The following AMIGO1 variants were observed in gnomAD, a reference collection of about 807,000 sequenced individuals.
AMIGO1 encodes the protein amphoterin-induced protein 1.
For synonymous variants in AMIGO1, 249 were observed against 266.3 expected (o/e 0.93, Z 0.63); for missense variants, 361 against 612.3 (o/e 0.59, Z 4.33).
At position 109,507,917 on chromosome 1, in the gene AMIGO1, C is replaced by G; in HGVS notation, c.996G>C (p.Gln332His). 2 of 1,614,194 alleles carry G rather than the reference C, an allele frequency of 1.2e-6. No individual in the cohort carries two copies. Among genetic ancestry groups the G allele is most frequent in the Non-Finnish European group, 1.7e-6 (2 of 1,180,036 alleles). Residue 332 changes from glutamine to histidine, a missense_variant, in exon 2 of 2, where the codon CAG (glutamine) becomes CAC (histidine). Transcript: ENST00000369864. The surrounding 1 kb of genome is among the most constrained non-coding windows in gnomAD (Gnocchi z 4.7). ...AGGTATACACACCACCGTCCTCGACCTGCACCTGCTGGAAAAGAAGACTGC... is the reference window on the plus strand; with the variant it reads ...AGGTATACACACCACCGTCCTCGACGTGCACCTGCTGGAAAAGAAGACTGC... ...KDGSLLFQQV[Q>H]VEDGGVYTCY... is the part of the protein sequence containing the mutation.
rs1657975378 is a variant in AMIGO1 at position 109,504,754 on chromosome 1, C to T, written c.*2677G>A. On this transcript the variant is annotated 3_prime_UTR_variant, in exon 2 of 2. Transcript: ENST00000369864. ...TCTACCAGGTGTCTCAAACTCAAGGCCAAACTAGTGGATATAGTCAGGAGA... is the reference window on the plus strand; with the variant it reads ...TCTACCAGGTGTCTCAAACTCAAGGTCAAACTAGTGGATATAGTCAGGAGA... The T allele has an allele frequency of 6.6e-6, 1 of 152,188 alleles. No individual in the cohort carries two copies. The highest frequency in any genetic ancestry group is 2.4e-5 in the African/African-American group (1 of 41,446). The allele number at this position is 152,188 out of a possible 1,614,324, so 9.4% of individuals were successfully genotyped here.
rs1436743657 is a variant in AMIGO1 at position 109,505,292 on chromosome 1, G to A, written c.*2139C>T. On this transcript the variant is annotated 3_prime_UTR_variant, in exon 2 of 2. Coordinates refer to ENST00000369864, the MANE Select transcript of AMIGO1 (RefSeq NM_020703.4). ...GGTTCTTCTAACTCCAGCCTGGGCAGAAAAGTGATTCAGTGCCATGGAGAT... is the reference window on the plus strand; with the variant it reads ...GGTTCTTCTAACTCCAGCCTGGGCAAAAAAGTGATTCAGTGCCATGGAGAT... The A allele has an allele frequency of 6.6e-6, 1 of 152,194 alleles. No individual in the cohort carries two copies. The highest frequency in any genetic ancestry group is 1.5e-5 in the Non-Finnish European group (1 of 68,036). 9.4% of individuals were successfully genotyped at this position (152,194 alleles called of 1,614,324 possible).
Position 109,504,792 on chromosome 1 carries a change from A to G in AMIGO1, c.*2639T>C, listed in dbSNP as rs1381352986. On this transcript the variant is annotated 3_prime_UTR_variant, in exon 2 of 2. Transcript: ENST00000369864. ...TATAGTCAGGAGACTTAAGAGCCAC[A>G]GGGCCTTTTCTCATTCCCTAAACTG... 6.6e-6 allele frequency: 1 copy of G among 152,190 alleles called. No homozygotes were observed. The highest frequency in any genetic ancestry group is 6.5e-5 in the Admixed American group (1 of 15,276). 9.4% of individuals were successfully genotyped at this position (152,190 alleles called of 1,614,324 possible). A position where few individuals can be genotyped will look rare whatever the true frequency, so the allele number is the denominator to read the frequency against.
chr1:109,505,685 G>A lies in AMIGO1; in HGVS notation c.*1746C>T, dbSNP rs987130169. ...TCCCCTTCCCCAATCATAATAGGAAGCTTAATAGTCAGGCCCTCCAAGCCC... is the reference window on the plus strand; with the variant it reads ...TCCCCTTCCCCAATCATAATAGGAAACTTAATAGTCAGGCCCTCCAAGCCC... On this transcript the variant is annotated 3_prime_UTR_variant, in exon 2 of 2. Coordinates refer to ENST00000369864, the MANE Select transcript of AMIGO1 (RefSeq NM_020703.4). 1.3e-5 allele frequency: 2 copies of A among 152,114 alleles called. No individual in the cohort carries two copies. The highest frequency in any genetic ancestry group is 4.8e-5 in the African/African-American group (2 of 41,374). The allele number at this position is 152,114 out of a possible 1,614,324, so 9.4% of individuals were successfully genotyped here.
rs1658123887 is a variant in AMIGO1, at chr1:109,509,692, G to A, written c.-360C>T. ...CGGTGCGGGGAGCCGGAGGCGCAGC[G>A]ATCCCAGCGGAGGGAGCGGCGTGGG... On this transcript the variant is annotated 5_prime_UTR_variant, in exon 1 of 2. Transcript: ENST00000369864. 6.6e-6 allele frequency: 1 copy of A among 150,518 alleles called. No individual in the cohort carries two copies. 9.3% of individuals were successfully genotyped at this position (150,518 alleles called of 1,614,324 possible). A position where few individuals can be genotyped will look rare whatever the true frequency, so the allele number is the denominator to read the frequency against.
rs1489170592 is a variant in AMIGO1, at chr1:109,508,516, G to A, written c.397C>T (p.Leu133=). The change falls in exon 2 of 2, where the codon CTG becomes TTG. Residue 133 remains leucine, a synonymous_variant. Coordinates refer to ENST00000369864, the MANE Select transcript of AMIGO1 (RefSeq NM_020703.4). This position sits in a 1 kb window ranked among gnomAD's most constrained non-coding sequence, Gnocchi z 7.8. ...RTLDEFLFSD[L]QVLEVLLLYN... ...AGCAGCAGCACCTCCAGTACTTGCA[G>A]GTCACTGAACAGGAACTCATCCAGT... 4 of 1,614,190 alleles carry A rather than the reference G, an allele frequency of 2.5e-6. No homozygotes were observed. Among genetic ancestry groups the A allele is most frequent in the Middle Eastern group, 1.6e-4 (1 of 6,062 alleles).
At position 109,508,529 on chromosome 1, in the gene AMIGO1, G is replaced by A. The variant is rs1658082647; in HGVS notation, c.384C>T (p.Phe128=). 1.2e-6 allele frequency: 2 copies of A among 1,614,056 alleles called. No homozygotes were observed. The highest frequency in any genetic ancestry group is 1.7e-6 in the Non-Finnish European group (2 of 1,180,034). ...CCAGTACTTGCAGGTCACTGAACAG[G>A]AACTCATCCAGTGTACGCAGCTGGT... ...SSNQLRTLDE[F]LFSDLQVLEV... is the part of the protein sequence containing the mutation. Residue 128 remains phenylalanine (F), a synonymous_variant, in exon 2 of 2, where the codon TTC becomes TTT. Transcript: ENST00000369864. This position sits in a 1 kb window ranked among gnomAD's most constrained non-coding sequence, Gnocchi z 7.8.
rs1347542468 is a variant in AMIGO1 at position 109,507,515 on chromosome 1, A to G, written c.1398T>C (p.Pro466=). The G allele has an allele frequency of 1.9e-6, 3 of 1,614,024 alleles. No individual in the cohort carries two copies. The Admixed American group carries it at 5.0e-5, about 27-fold the overall frequency. The change falls in exon 2 of 2, where the codon CCT becomes CCC. Residue 466 remains proline (P), a synonymous_variant. Transcript: ENST00000369864. The surrounding 1 kb of genome is among the most constrained non-coding windows in gnomAD (Gnocchi z 4.7). ...KLKPGNTLPV[P]EATGKGQRRM... ...TCCGTTGGCCCTTGCCTGTGGCCTC[A>G]GGCACTGGCAGGGTGTTGCCTGGCT...
In AMIGO1 at chr1:109,508,771, A is replaced by T; in HGVS notation, c.142T>A (p.Ser48Thr). 1 of 1,614,000 alleles carries T rather than the reference A, an allele frequency of 6.2e-7. No individual in the cohort carries two copies. Among genetic ancestry groups the T allele is most frequent in the Non-Finnish European group, 8.5e-7 (1 of 1,179,978 alleles). The stretch of plus-strand genomic sequence containing the variant: ...GGCACATTGGGCAGCTGCTGCTTGG[A>T]GCAGCTGAGGATGTTGCTGGCGCAC... ...CLCASNILSC[S>T]KQQLPNVPHS... The change falls in exon 2 of 2, where the codon TCC becomes ACC. Residue 48 changes from serine to threonine, a missense_variant. Transcript: ENST00000369864. This position sits in a 1 kb window ranked among gnomAD's most constrained non-coding sequence, Gnocchi z 7.8.
In AMIGO1 at chr1:109,507,691, T is replaced by A; in HGVS notation, c.1222A>T (p.Ser408Cys). 1 of 1,614,128 alleles carries A rather than the reference T, an allele frequency of 6.2e-7. No homozygotes were observed. The highest frequency in any genetic ancestry group is 8.5e-7 in the Non-Finnish European group (1 of 1,180,024). Reference sequence around the variant, plus strand: ...GAGCTGAGGCTGTCTCCTTGATGGCTGGAAGGCTTCTCTACACCCCGGCAC... The same window carrying A: ...GAGCTGAGGCTGTCTCCTTGATGGCAGGAAGGCTTCTCTACACCCCGGCAC... Reference protein sequence around the residue: ...CWCRGVEKPSSHQGDSLSSSM... With the variant: ...CWCRGVEKPSCHQGDSLSSSM... The change falls in exon 2 of 2, where the codon AGC (serine) becomes TGC (cysteine). Residue 408 changes from serine (S) to cysteine (C), a missense_variant. By Grantham distance (112) the Ser-to-Cys change is moderately radical. Transcript: ENST00000369864. The surrounding 1 kb of genome is among the most constrained non-coding windows in gnomAD (Gnocchi z 4.7).
rs751791109 is a variant in AMIGO1 at position 109,508,138 on chromosome 1, G to A, written c.775C>T (p.Leu259=). The change falls in exon 2 of 2, where the codon CTG becomes TTG. Residue 259 remains leucine, a synonymous_variant. Coordinates refer to ENST00000369864, the MANE Select transcript of AMIGO1 (RefSeq NM_020703.4). This position sits in a 1 kb window ranked among gnomAD's most constrained non-coding sequence, Gnocchi z 7.8. The stretch of plus-strand genomic sequence containing the variant: ...AAACTCAGGTTGAAGACATTGTGCA[G>A]CTTCTTGGAGTTCATGCAGTACAGA... ...EDLYCMNSKK[L]HNVFNLSFLN... is the part of the protein sequence containing the mutation. 2 of 1,614,144 alleles carry A rather than the reference G, an allele frequency of 1.2e-6. No homozygotes were observed. The highest frequency in any genetic ancestry group is 1.3e-5 in the African/African-American group (1 of 75,044).
At position 109,508,944 on chromosome 1, in the gene AMIGO1, A is replaced by G. The variant is rs1191978501; in HGVS notation, c.-32T>C. On this transcript the variant is annotated 5_prime_UTR_variant, in exon 2 of 2. Coordinates refer to ENST00000369864, the MANE Select transcript of AMIGO1 (RefSeq NM_020703.4). The surrounding 1 kb of genome is among the most constrained non-coding windows in gnomAD (Gnocchi z 7.8). ...ACTGGAGTGGGCGAGGAAGGCCACAAGGAAGATCTGGGAGGAGGTCACCCG... is the reference window on the plus strand; with the variant it reads ...ACTGGAGTGGGCGAGGAAGGCCACAGGGAAGATCTGGGAGGAGGTCACCCG... 1 of 1,493,178 alleles carries G rather than the reference A, an allele frequency of 6.7e-7. No homozygotes were observed. The highest frequency in any genetic ancestry group is 2.4e-5 in the East Asian group (1 of 41,548). 92.5% of individuals were successfully genotyped at this position (1,493,178 alleles called of 1,614,324 possible).
At position 109,507,816 on chromosome 1, in the gene AMIGO1, T is replaced by C; in HGVS notation, c.1097A>G (p.His366Arg). 1 of 1,614,110 alleles carries C rather than the reference T, an allele frequency of 6.2e-7. No individual in the cohort carries two copies. Among genetic ancestry groups the C allele is most frequent in the Non-Finnish European group, 8.5e-7 (1 of 1,180,024 alleles). Reference sequence around the variant, plus strand: ...ATAGGCTGTGTTGAGGGTGTCATGGTGTCCGTGCAAGGTGAAATTGTGCAC... The same window carrying C: ...ATAGGCTGTGTTGAGGGTGTCATGGCGTCCGTGCAAGGTGAAATTGTGCAC... ...LKVHNFTLHG[H>R]HDTLNTAYTT... is the part of the protein sequence containing the mutation. The change falls in exon 2 of 2, where the codon CAC becomes CGC. Residue 366 changes from histidine to arginine, a missense_variant. Physicochemically the swap from His to Arg is conservative, Grantham distance 29 (BLOSUM62 0). Coordinates refer to ENST00000369864, the MANE Select transcript of AMIGO1 (RefSeq NM_020703.4). This position sits in a 1 kb window ranked among gnomAD's most constrained non-coding sequence, Gnocchi z 4.7.
Position 109,508,983 on chromosome 1 carries a change from G to A in AMIGO1, c.-71C>T. ...GGAGGTCACCCGGGCATGTTCTGGT[G>A]GGGTACGGAAGGGTCACTTGAGAGA... On this transcript the variant is annotated 5_prime_UTR_variant, in exon 2 of 2. Transcript: ENST00000369864. The surrounding 1 kb of genome is among the most constrained non-coding windows in gnomAD (Gnocchi z 7.8). 1 of 1,449,302 alleles carries A rather than the reference G, an allele frequency of 6.9e-7. No homozygotes were observed. The highest frequency in any genetic ancestry group is 9.1e-7 in the Non-Finnish European group (1 of 1,094,706). The allele number at this position is 1,449,302 out of a possible 1,614,324, so 89.8% of individuals were successfully genotyped here.
chr1:109,507,128 C>T lies in AMIGO1; in HGVS notation c.*303G>A, dbSNP rs890744697. ...ATGAAAGTTTAGGGAATCTGTTCTT[C>T]CCCTCACTCCTTCCTCATTCCCATC... is the stretch of plus-strand genomic sequence containing the variant. On this transcript the variant is annotated 3_prime_UTR_variant, in exon 2 of 2. Transcript: ENST00000369864. The surrounding 1 kb of genome is among the most constrained non-coding windows in gnomAD (Gnocchi z 4.7). The T allele has an allele frequency of 3.1e-6, 1 of 323,190 alleles. No individual in the cohort carries two copies. Among genetic ancestry groups the T allele is most frequent in the Non-Finnish European group, 5.7e-6 (1 of 174,972 alleles). 20.0% of individuals were successfully genotyped at this position (323,190 alleles called of 1,614,324 possible). A position where few individuals can be genotyped will look rare whatever the true frequency, so the allele number is the denominator to read the frequency against.
Position 109,507,599 on chromosome 1 carries a change from G to C in AMIGO1, c.1314C>G (p.Asp438Glu), listed in dbSNP as rs768081948. 1 of 1,614,108 alleles carries C rather than the reference G, an allele frequency of 6.2e-7. No homozygotes were observed. The highest frequency in any genetic ancestry group is 1.1e-5 in the South Asian group (1 of 91,082). ...CAGGTTCCAGGAAAGCCACCCGCCG[G>C]TCAAAACCATCATCTTTGTCCCCAC... ...MAGGDKDDGF[D>E]RRVAFLEPAG... is the part of the protein sequence containing the mutation. Residue 438 changes from aspartate (D) to glutamate (E), a missense_variant, in exon 2 of 2, where the codon GAC becomes GAG. Transcript: ENST00000369864. The surrounding 1 kb of genome is among the most constrained non-coding windows in gnomAD (Gnocchi z 4.7).
Position 109,508,879 on chromosome 1 carries a change from G to A in AMIGO1, c.34C>T (p.Leu12Phe), listed in dbSNP as rs775282824. Residue 12 changes from leucine (L) to phenylalanine (F), a missense_variant, in exon 2 of 2, where the codon CTC becomes TTC. Coordinates refer to ENST00000369864, the MANE Select transcript of AMIGO1 (RefSeq NM_020703.4). The surrounding 1 kb of genome is among the most constrained non-coding windows in gnomAD (Gnocchi z 7.8). ...HPHRDPRGLW[L>F]LLPSLSLLLF... Reference sequence around the variant, plus strand: ...AGCAGGGACAAGGACGGCAGCAGGAGCCAGAGGCCTCTCGGGTCACGGTGG... The same window carrying A: ...AGCAGGGACAAGGACGGCAGCAGGAACCAGAGGCCTCTCGGGTCACGGTGG... 9.4e-6 allele frequency: 15 copies of A among 1,599,132 alleles called. No individual in the cohort carries two copies. The highest frequency in any genetic ancestry group is 1.3e-5 in the Non-Finnish European group (15 of 1,171,704).
rs201644895 is a variant in AMIGO1 at position 109,508,669 on chromosome 1, G to A, written c.244C>T (p.Pro82Ser). Residue 82 changes from proline to serine, a missense_variant, in exon 2 of 2, where the codon CCC (proline) becomes TCC (serine). Transcript: ENST00000369864. This position sits in a 1 kb window ranked among gnomAD's most constrained non-coding sequence, Gnocchi z 7.8. ...GAGTGCAGTTGGGTCAGGCGCGTGG[G>A]GGTCCACTCGGCCCGCAGGCGGCTC... ...NLSRLRAEWT[P>S]TRLTQLHSLL... 1.5e-5 allele frequency: 25 copies of A among 1,614,162 alleles called. No homozygotes were observed. The African/African-American group carries it at 2.4e-4, about 15-fold the overall frequency.
In AMIGO1 at chr1:109,506,126, A is replaced by T. The variant is rs1197728776; in HGVS notation, c.*1305T>A. 1 of 152,224 alleles carries T rather than the reference A, an allele frequency of 6.6e-6. No homozygotes were observed. Among genetic ancestry groups the T allele is most frequent in the East Asian group, 1.9e-4 (1 of 5,200 alleles). 9.4% of individuals were successfully genotyped at this position (152,224 alleles called of 1,614,324 possible). A position where few individuals can be genotyped will look rare whatever the true frequency, so the allele number is the denominator to read the frequency against. On this transcript the variant is annotated 3_prime_UTR_variant, in exon 2 of 2. Transcript: ENST00000369864. ...CTTCAGGATTGCCTGGAATCTGTGG[A>T]GAGGGCAGAACTTGAAGCTGCACTC...
Sources: gnomAD v4.1 joint callset for allele counts on GRCh38, gnomAD v4.1.1 for gene constraint, Gnocchi (gnomAD v3.1) non-coding constraint, MANE v1.5 for transcripts, NCBI Gene and HGNC (gene_info 2026-07-23, HGNC 2026-07-21) for gene names.